DLEC1: variants seen among roughly 807,000 people sequenced by gnomAD.
DLEC1 encodes the protein DLEC1 cilia and flagella associated protein.
A neutral mutation model predicts 198.1 loss-of-function variants in DLEC1; 146 were observed. The observed-to-expected ratio is 0.74, with a 90% CI of 0.64 to 0.85. The LOEUF is 0.85. Among genes scored for constraint, DLEC1 ranks in the 40% least tolerant of loss-of-function variants. DLEC1 has a pLI of 0.00. For synonymous variants in DLEC1, 897 were observed against 866.8 expected, an observed-to-expected ratio of 1.03 and a Z score of -0.61; for missense variants, 2,233 against 2,220.0, an observed-to-expected ratio of 1.01 and a Z score of -0.12.
At chr3:38,090,504 A>G (rs1045133487) in intron 10 of DLEC1, among the ~76,000 whole-genome samples, 4 of 152,240 alleles carry the variant, frequency 2.6e-5, no homozygotes, top group African/African-American at 9.7e-5. Context: ...TGAATGGACC[A>G]TAATTTAGTT....
chr3:38,093,281 G>A (rs1329968821), intron 11 of DLEC1, among the ~76,000 whole-genome samples: 1 of 151,886 alleles, frequency 6.6e-6, no homozygotes, highest in East Asian at 1.9e-4. Context: ...AGATGCCCCT[G>A]GCCGCCCCTC....
In DLEC1 at chr3:38,112,128, G is replaced by A; in HGVS notation, c.3515-82G>A. 7 of 1,589,360 alleles carry A rather than the reference G, an allele frequency of 4.4e-6. No homozygotes were observed. Among genetic ancestry groups the A allele is most frequent in the Non-Finnish European group, 6.0e-6 (7 of 1,165,256 alleles). The stretch of plus-strand genomic sequence containing the variant: ...GCTGGAGGGTGGCTTATCGGGGACA[G>A]TGCTTTGCTCACACACGAGGGTTTG... On this transcript the variant is annotated intron_variant, in intron 24 of 36. Coordinates refer to ENST00000308059, the MANE Select transcript of DLEC1 (RefSeq NM_007335.4). This position sits in a 1 kb window ranked among gnomAD's most constrained non-coding sequence, Gnocchi z 4.8.
chr3:38,096,321 G>T (rs992281454), intron 14 of DLEC1, among the ~76,000 whole-genome samples: 1 of 152,162 alleles, frequency 6.6e-6, no homozygotes, highest in Non-Finnish European at 1.5e-5. Flanking sequence ...AGGCTGGAGG[G>T]CTGCAGATGG....
chr3:38,114,559 G>A, intron 26 of DLEC1, 99 bp downstream of exon 26: 1 of 1,227,202 alleles, frequency 8.1e-7, no homozygotes, highest in Non-Finnish European at 1.2e-6. Context: ...TTCTCCAGCT[G>A]GCCTAGGGCC....
At position 38,097,878 on chromosome 3, in the gene DLEC1, C is replaced by T; in HGVS notation, c.2700C>T (p.Val900=). 4 of 1,614,250 alleles carry T rather than the reference C, an allele frequency of 2.5e-6. No individual in the cohort carries two copies. The highest frequency in any genetic ancestry group is 3.4e-6 in the Non-Finnish European group (4 of 1,180,050). ...PATWRMKESP[V]SLQERPEDVS... is the part of the protein sequence containing the mutation. Reference sequence around the variant, plus strand: ...CATGGCGCATGAAGGAGAGCCCAGTCTCCCTCCAGGAAAGGCCTGAGGATG... The same window carrying T: ...CATGGCGCATGAAGGAGAGCCCAGTTTCCCTCCAGGAAAGGCCTGAGGATG... Residue 900 remains valine (V), a synonymous_variant, in exon 18 of 37, where the codon GTC becomes GTT. Coordinates refer to ENST00000308059, the MANE Select transcript of DLEC1 (RefSeq NM_007335.4).
chr3:38,106,343 A>C (rs1699565690), intron 19 of DLEC1, among the ~76,000 whole-genome samples: 1 of 152,258 alleles, frequency 6.6e-6, no homozygotes, highest in South Asian at 2.1e-4. Context: ...CTAGCTAGGC[A>C]AGCCTAAAAT....
chr3:38,097,608 G>A lies in DLEC1; in HGVS notation c.2536G>A (p.Val846Met), dbSNP rs1559444921. Residue 846 changes from valine (V) to methionine (M), a missense_variant, in exon 17 of 37, where the codon GTG becomes ATG. Physicochemically the swap from Val to Met is conservative, Grantham distance 21. Coordinates refer to ENST00000308059, the MANE Select transcript of DLEC1 (RefSeq NM_007335.4). The stretch of plus-strand genomic sequence containing the variant: ...TGAAATCGAAGACTCGCCCTCGCCA[G>A]TGGTGTTACACATTGAGGCTGTCTT... The part of the protein sequence containing the change: ...LCEIEDSPSP[V>M]VLHIEAVFKG... 2.8e-5 allele frequency: 45 copies of A among 1,614,246 alleles called. No homozygotes were observed. The highest frequency in any genetic ancestry group is 3.7e-5 in the Non-Finnish European group (44 of 1,180,044).
At chr3:38,091,563 G>A (rs1201782808) in intron 10 of DLEC1, among the ~76,000 whole-genome samples, 1 of 152,100 alleles carries the variant, frequency 6.6e-6, no homozygotes, top group Non-Finnish European at 1.5e-5. Flanking sequence ...AAGGAAACAA[G>A]CAACAGAGTG....
Position 38,062,262 on chromosome 3 carries a change from G to T in DLEC1, c.767G>T (p.Cys256Phe). ...CTGAACAAGAAGCTTGAAGATTCAT[G>T]CAGGAAGAAGCTTGCTGAGTTCGAA... The part of the protein sequence containing the change: ...KELNKKLEDS[C>F]RKKLAEFEDE... The change falls in exon 4 of 37, where the codon TGC becomes TTC. Residue 256 changes from cysteine to phenylalanine, a missense_variant. By Grantham distance (205) the Cys-to-Phe change is radical (BLOSUM62 -2). Coordinates refer to ENST00000308059, the MANE Select transcript of DLEC1 (RefSeq NM_007335.4). 1 of 1,614,190 alleles carries T rather than the reference G, an allele frequency of 6.2e-7. No individual in the cohort carries two copies. Among genetic ancestry groups the T allele is most frequent in the Non-Finnish European group, 8.5e-7 (1 of 1,180,030 alleles).
At chr3:38,079,776 G>C (rs1697861672) in intron 6 of DLEC1, among the ~76,000 whole-genome samples, 1 of 152,190 alleles carries the variant, frequency 6.6e-6, no homozygotes, top group South Asian at 2.1e-4. Flanking sequence ...AGGAATGCCT[G>C]GCTGCTGCGG....
At chr3:38,080,751 AAC>A (rs1350049425) in intron 6 of DLEC1, among the ~76,000 whole-genome samples, 2 of 151,580 alleles carry the variant, frequency 1.3e-5, no homozygotes, top group East Asian at 1.9e-4. Flanking sequence ...GAAGGAGGCA[AAC>A]ACAGAGAGAA....
At chr3:38,087,629 T>C (rs28415046) in intron 9 of DLEC1, among the ~76,000 whole-genome samples, 49,702 of 148,188 alleles carry the variant, frequency 0.34, 9,044 homozygotes, top group East Asian at 0.54. Flanking sequence ...TCCATTAGCA[T>C]GCTCACACCA....
chr3:38,041,488 A>G (rs1700649394), intron 1 of DLEC1, among the ~76,000 whole-genome samples: 1 of 152,160 alleles, frequency 6.6e-6, no homozygotes, highest in African/African-American at 2.4e-5. Context: ...TAATTTAAAC[A>G]TTTGAAGTTT....
chr3:38,046,399 TAGTG>T (rs1700889346), intron 2 of DLEC1, among the ~76,000 whole-genome samples: 1 of 152,274 alleles, frequency 6.6e-6, no homozygotes, highest in South Asian at 2.1e-4. Context: ...ATTCTCATGA[TAGTG>T]AGTAAGTCTG....
intron 10 of DLEC1, 34 bp from the exon 11 acceptor site, chr3:38,092,756 T>C (rs759498567): frequency 8.8e-6 from 14 of 1,593,858 alleles, no homozygotes; most frequent in Non-Finnish European, 1.1e-5. Flanking sequence ...AGCCCTTTAA[T>C]GGGAGGTAAC....
chr3:38,110,235 G>C lies in DLEC1; in HGVS notation c.3397G>C (p.Glu1133Gln), dbSNP rs748177147. ...ACGGACCCGTTTCTCCCTCAAGTTT[G>C]AGTATTTCGGGAGCCCCCAAAACAG... ...PIRTRFSLKF[E>Q]YFGSPQNSLS... The change falls in exon 23 of 37, where the codon GAG becomes CAG. Residue 1133 changes from glutamate to glutamine, a missense_variant. Physicochemically the swap from Glu to Gln is conservative, Grantham distance 29. Transcript: ENST00000308059. 9.9e-6 allele frequency: 16 copies of C among 1,614,026 alleles called. No individual in the cohort carries two copies. The South Asian group carries it at 1.4e-4, about 14-fold the overall frequency.
rs1410240809 is a variant in DLEC1 at position 38,088,408 on chromosome 3, C to T, written c.1665+20C>T. The T allele has an allele frequency of 1.3e-6, 2 of 1,599,706 alleles. No homozygotes were observed. The highest frequency in any genetic ancestry group is 4.5e-5 in the East Asian group (2 of 44,618). On this transcript the variant is annotated intron_variant, in intron 10 of 36. Coordinates refer to ENST00000308059, the MANE Select transcript of DLEC1 (RefSeq NM_007335.4). ...GTGGAGGTAGGTAATCAGACATTGG[C>T]ATGTATTTCCTCAACTGCTTGCATG...
chr3:38,042,898 T>A (rs148858350), intron 1 of DLEC1, among the ~76,000 whole-genome samples: 1 of 152,330 alleles, frequency 6.6e-6, no homozygotes, highest in East Asian at 1.9e-4. Context: ...TCTTTCCTTT[T>A]TCGTCATCTG....
Position 38,063,854 on chromosome 3 carries a change from CCA to C in DLEC1, c.1109_1110del (p.Pro370ArgfsTer5), listed in dbSNP as rs1490922356. The C allele has an allele frequency of 6.2e-7, 1 of 1,613,372 alleles. No individual in the cohort carries two copies. The highest frequency in any genetic ancestry group is 1.7e-5 in the Admixed American group (1 of 59,964). On this transcript the variant is annotated frameshift_variant, in exon 6 of 37. Transcript: ENST00000308059. LOFTEE classifies it high-confidence loss of function. The part of the protein sequence containing the change: ...TEPEQSCADT[P>X]VFLAKPPIGF... ...TTCATCCCACAGTTGTGCTGATACT[CCA>C]GTGTTTCTAGCTAAGCCACCAATTG...
Sources: allele counts gnomAD v4.1 joint callset (sites outside exome capture counted in the v4.1 genomes callset), GRCh38; gene constraint gnomAD v4.1.1; non-coding constraint Gnocchi (gnomAD v3.1); transcripts MANE v1.5; gene names NCBI Gene and HGNC (gene_info 2026-07-23, HGNC 2026-07-21).